The following FBXW4 variants were observed in gnomAD, a reference collection of about 807,000 sequenced individuals.
FBXW4 encodes the protein F-box and WD repeat domain containing 4.
Under a neutral mutation model 61.8 loss-of-function variants are expected in FBXW4, and 40 were observed. That is an observed-to-expected ratio of 0.65 (90% confidence interval 0.50 to 0.84). The LOEUF (loss-of-function observed/expected upper bound fraction) is 0.84, where lower values mean the gene tolerates loss of function less well. Ranked by LOEUF, FBXW4 falls within the 40% of genes least tolerant of loss-of-function variation. The pLI, the probability that FBXW4 is intolerant of heterozygous loss-of-function variation, is 0.00. For missense variants in FBXW4, 672 were observed against 753.8 expected, an observed-to-expected ratio of 0.89 and a Z score of 1.27; for synonymous variants, 311 against 313.8, an observed-to-expected ratio of 0.99 and a Z score of 0.10.
intron 5 of FBXW4, among the ~76,000 whole-genome samples, chr10:101,666,252 G>C (rs1031610630): frequency 6.6e-6 from 1 of 152,072 alleles, no homozygotes; most frequent in Non-Finnish European, 1.5e-5. Flanking sequence ...AGGTTTATAG[G>C]TTAGCCGACA....
chr10:101,631,743 T>G (rs2063959381), intron 5 of FBXW4, among the ~76,000 whole-genome samples: 1 of 151,904 alleles, frequency 6.6e-6, no homozygotes, highest in Non-Finnish European at 1.5e-5. Context: ...TTCTTCTGCC[T>G]CAGCCTCCCA....
chr10:101,667,655 C>T (rs1488129602), intron 5 of FBXW4, among the ~76,000 whole-genome samples: 1 of 152,192 alleles, frequency 6.6e-6, no homozygotes. Context: ...CTTTCCTTAA[C>T]ATTTCTGAGG....
intron 5 of FBXW4, among the ~76,000 whole-genome samples, chr10:101,662,495 G>A (rs1439095216): frequency 1.3e-5 from 2 of 152,136 alleles, no homozygotes; most frequent in Admixed American, 1.3e-4. Context: ...AAATTATATT[G>A]TATATTTAAT....
At position 101,611,103 on chromosome 10, in the gene FBXW4, A is replaced by T; in HGVS notation, c.*188T>A. On this transcript the variant is annotated 3_prime_UTR_variant, in exon 9 of 9. Coordinates refer to ENST00000331272, the MANE Select transcript of FBXW4 (RefSeq NM_022039.4). The surrounding 1 kb of genome is among the most constrained non-coding windows in gnomAD (Gnocchi z 4.9). ...CCTCTCCAACAGGTTCCTGGGAGGG[A>T]CTGCATCTCTGGTAAGCTCCAAAGT... The T allele has an allele frequency of 1.5e-6, 1 of 656,216 alleles. No individual in the cohort carries two copies. Among genetic ancestry groups the T allele is most frequent in the Non-Finnish European group, 2.5e-6 (1 of 401,466 alleles). The allele number at this position is 656,216 out of a possible 1,614,324, so 40.6% of individuals were successfully genotyped here.
intron 1 of FBXW4, among the ~76,000 whole-genome samples, chr10:101,677,697 G>A (rs1269352119): frequency 6.6e-6 from 1 of 151,748 alleles, no homozygotes; most frequent in Admixed American, 6.6e-5. Flanking sequence ...AAGATGGGAG[G>A]ATCACTTGAG....
chr10:101,611,096 G>T lies in FBXW4; in HGVS notation c.*195C>A. 3.2e-6 allele frequency: 2 copies of T among 627,218 alleles called. No homozygotes were observed. The highest frequency in any genetic ancestry group is 5.3e-6 in the Non-Finnish European group (2 of 378,414). 38.9% of individuals were successfully genotyped at this position (627,218 alleles called of 1,614,324 possible). The stretch of plus-strand genomic sequence containing the variant: ...GGTCCTGCCTCTCCAACAGGTTCCT[G>T]GGAGGGACTGCATCTCTGGTAAGCT... On this transcript the variant is annotated 3_prime_UTR_variant, in exon 9 of 9. Coordinates refer to ENST00000331272, the MANE Select transcript of FBXW4 (RefSeq NM_022039.4). The surrounding 1 kb of genome is among the most constrained non-coding windows in gnomAD (Gnocchi z 4.9).
Position 101,612,465 on chromosome 10 carries a change from C to A in FBXW4, c.1314G>T (p.Met438Ile). 2 of 1,576,452 alleles carry A rather than the reference C, an allele frequency of 1.3e-6. No homozygotes were observed. Among genetic ancestry groups the A allele is most frequent in the South Asian group, 1.2e-5 (1 of 82,954 alleles). The change falls in exon 7 of 9, where the codon ATG (methionine) becomes ATT (isoleucine). Residue 438 changes from methionine to isoleucine, a missense_variant. Transcript: ENST00000331272. The stretch of plus-strand genomic sequence containing the variant: ...GGGGAAAGTCACTGCCCAAGTGTGT[C>A]ATCAGCTGCCCACTGGGAAGGGAAG... Reference protein sequence around the residue: ...RIWDLNSGQLMTHLGSDFPPG... With the variant: ...RIWDLNSGQLITHLGSDFPPG...
At chr10:101,668,299 G>T (rs568359571) in intron 4 of FBXW4, among the ~76,000 whole-genome samples, 1 of 152,254 alleles carries the variant, frequency 6.6e-6, no homozygotes, top group East Asian at 1.9e-4. Flanking sequence ...GGGTGGGTGG[G>T]GCTTGCCTCT....
At chr10:101,624,552 T>C (rs938707764) in intron 6 of FBXW4, among the ~76,000 whole-genome samples, 193 bp downstream of exon 6, 1 of 152,214 alleles carries the variant, frequency 6.6e-6, no homozygotes, top group Non-Finnish European at 1.5e-5. Flanking sequence ...TTACCTATTA[T>C]AAATTACTTC....
intron 5 of FBXW4, among the ~76,000 whole-genome samples, chr10:101,650,562 C>T (rs1025694838): frequency 6.6e-6 from 1 of 152,194 alleles, no homozygotes; most frequent in African/African-American, 2.4e-5. Context: ...AACCGCCCCC[C>T]TCAAGGGGTG....
In FBXW4 at chr10:101,694,558, A is replaced by G. The variant is rs2064653165; in HGVS notation, c.548T>C (p.Leu183Pro). 2.0e-6 allele frequency: 3 copies of G among 1,485,024 alleles called. No homozygotes were observed. Among genetic ancestry groups the G allele is most frequent in the East Asian group, 2.8e-5 (1 of 35,574 alleles). The allele number at this position is 1,485,024 out of a possible 1,614,324, so 92.0% of individuals were successfully genotyped here. The stretch of plus-strand genomic sequence containing the variant: ...CAGCAGCTCCTCCGGCAGGCGCCAG[A>G]GCGCAGGCCCCGCGGCCGGGCGGGC... Reference protein sequence around the residue: ...SAARPAAGPALWRLPEELLLL... With the variant: ...SAARPAAGPAPWRLPEELLLL... Residue 183 changes from leucine to proline, a missense_variant, in exon 1 of 9, where the codon CTC becomes CCC. Transcript: ENST00000331272. The surrounding 1 kb of genome is among the most constrained non-coding windows in gnomAD (Gnocchi z 6.0).
At chr10:101,690,700 G>A (rs1467612560) in intron 1 of FBXW4, among the ~76,000 whole-genome samples, 3 of 152,222 alleles carry the variant, frequency 2.0e-5, no homozygotes, top group African/African-American at 7.2e-5. Context: ...CGGAAGGTCA[G>A]TAAACCTTAG....
chr10:101,621,618 C>T (rs1005054696), intron 6 of FBXW4, among the ~76,000 whole-genome samples: 1 of 152,132 alleles, frequency 6.6e-6, no homozygotes, highest in African/African-American at 2.4e-5. Flanking sequence ...TAGTTGAATG[C>T]CTCCAAGGTG....
At chr10:101,614,693 A>C (rs2063812870) in intron 6 of FBXW4, among the ~76,000 whole-genome samples, 1 of 152,208 alleles carries the variant, frequency 6.6e-6, no homozygotes, top group African/African-American at 2.4e-5. Context: ...GGGCCAATGA[A>C]AAGATACAAT....
intron 7 of FBXW4, among the ~76,000 whole-genome samples, chr10:101,612,134 T>TG (rs1196616458): frequency 2.0e-5 from 3 of 152,232 alleles, no homozygotes; most frequent in African/African-American, 7.2e-5. Context: ...CGCCTGCCTT[T>TG]GCCAAGGCCT....
intron 2 of FBXW4, among the ~76,000 whole-genome samples, chr10:101,675,546 T>C (rs1173240827): frequency 6.6e-6 from 1 of 152,156 alleles, no homozygotes; most frequent in Non-Finnish European, 1.5e-5. Context: ...AATACCACAT[T>C]ATTCACAGTA....
chr10:101,685,458 A>C (rs2064524589), intron 1 of FBXW4, among the ~76,000 whole-genome samples: 1 of 152,230 alleles, frequency 6.6e-6, no homozygotes, highest in Admixed American at 6.5e-5. Context: ...CTAACAATCC[A>C]CAATTTTACA....
intron 1 of FBXW4, among the ~76,000 whole-genome samples, chr10:101,681,404 T>G (rs1440620579): frequency 6.3e-5 from 8 of 126,972 alleles, no homozygotes; most frequent in Non-Finnish European, 1.2e-4. Context: ...AAAAAAATAA[T>G]AATAATAATA....
At chr10:101,693,403 G>C (rs1053782054) in intron 1 of FBXW4, among the ~76,000 whole-genome samples, 2 of 152,104 alleles carry the variant, frequency 1.3e-5, no homozygotes, top group Non-Finnish European at 2.9e-5. Context: ...AAGTTTAATA[G>C]TAGAGGGATG....
Sources: gnomAD v4.1 joint callset for allele counts (sites outside exome capture counted in the v4.1 genomes callset) on GRCh38, gnomAD v4.1.1 for gene constraint, Gnocchi (gnomAD v3.1) non-coding constraint, MANE v1.5 for transcripts, NCBI Gene and HGNC (gene_info 2026-07-23, HGNC 2026-07-21) for gene names.